The following BBX variants were observed in gnomAD, a reference collection of about 807,000 sequenced individuals.
BBX encodes HMG box transcription factor BBX.
In BBX, 30 loss-of-function variants were observed where a neutral mutation model predicts 100.2. The observed-to-expected ratio is 0.30, with a 90% CI of 0.22 to 0.41. BBX has a LOEUF of 0.41. Among genes scored for constraint, BBX ranks in the 10% least tolerant of loss-of-function variants. The pLI is 1.00. For missense variants in BBX, 1,023 were observed against 1,129.8 expected (o/e 0.91, Z 1.35); for synonymous variants, 376 against 388.1 (o/e 0.97, Z 0.37).
At chr3:107,803,748 G>C (rs561067996) in intron 17 of BBX, among the ~76,000 whole-genome samples, 1 of 152,254 alleles carries the variant, frequency 6.6e-6, no homozygotes, top group Middle Eastern at 3.4e-3. Flanking sequence ...TACTGCCAAA[G>C]GAAAGCTTCA....
chr3:107,717,048 G>A (rs2062156744), intron 5 of BBX, among the ~76,000 whole-genome samples, 199 bp downstream of exon 5: 1 of 152,078 alleles, frequency 6.6e-6, no homozygotes, highest in Non-Finnish European at 1.5e-5. Flanking sequence ...AAATGCTGGT[G>A]GAGGTGCCAA....
chr3:107,675,480 C>T (rs990553158), intron 3 of BBX, among the ~76,000 whole-genome samples: 7 of 152,078 alleles, frequency 4.6e-5, no homozygotes, highest in African/African-American at 1.7e-4. Flanking sequence ...CTCTCAGTCC[C>T]CTTGTCAAAA....
chr3:107,553,436 G>A (rs956059501), intron 2 of BBX, among the ~76,000 whole-genome samples: 15 of 152,102 alleles, frequency 9.9e-5, no homozygotes, highest in Admixed American at 4.6e-4. Context: ...TTACCATATT[G>A]CTACTTTCTC....
At chr3:107,547,399 G>C (rs1260916255) in intron 2 of BBX, among the ~76,000 whole-genome samples, 1 of 152,082 alleles carries the variant, frequency 6.6e-6, no homozygotes, top group Non-Finnish European at 1.5e-5. Flanking sequence ...TGACTTCACA[G>C]TACCTAGTTC....
At chr3:107,592,613 T>C (rs908769489) in intron 2 of BBX, among the ~76,000 whole-genome samples, 3 of 152,168 alleles carry the variant, frequency 2.0e-5, no homozygotes, top group South Asian at 2.1e-4. Context: ...TTTATTGATA[T>C]TGCTGTGTTT....
chr3:107,558,272 A>C (rs1319996048), intron 2 of BBX, among the ~76,000 whole-genome samples: 3 of 152,168 alleles, frequency 2.0e-5, no homozygotes, highest in African/African-American at 7.2e-5. Context: ...GGATCACCTG[A>C]GGTCAGGAGT....
intron 2 of BBX, among the ~76,000 whole-genome samples, chr3:107,540,141 G>C (rs1321868535): frequency 2.0e-5 from 3 of 152,204 alleles, no homozygotes; most frequent in African/African-American, 4.8e-5. Flanking sequence ...AGTTCAGCAC[G>C]AGGGATCTGG....
chr3:107,792,902 C>A (rs2069204848), intron 15 of BBX, among the ~76,000 whole-genome samples: 1 of 151,956 alleles, frequency 6.6e-6, no homozygotes, highest in East Asian at 1.9e-4. Context: ...ACACTGAAAA[C>A]CCTACAGAGG....
At chr3:107,757,163 C>T (rs1434179941) in intron 10 of BBX, among the ~76,000 whole-genome samples, 2 of 151,756 alleles carry the variant, frequency 1.3e-5, no homozygotes, top group African/African-American at 4.8e-5. Flanking sequence ...AAATGTAAAA[C>T]CAGCTTTCAA....
intron 2 of BBX, among the ~76,000 whole-genome samples, chr3:107,544,701 TC>T (rs1430952646): frequency 6.6e-6 from 1 of 151,602 alleles, no homozygotes; most frequent in Non-Finnish European, 1.5e-5. Flanking sequence ...CGAAACCCCA[TC>T]TCTATAAGAA....
At chr3:107,758,219 TTTC>T (rs911207017) in intron 10 of BBX, among the ~76,000 whole-genome samples, 1 of 152,198 alleles carries the variant, frequency 6.6e-6, no homozygotes. Flanking sequence ...ATGCAAAAGA[TTTC>T]TTCTTCTTCT....
intron 2 of BBX, among the ~76,000 whole-genome samples, chr3:107,637,184 T>C (rs2056898747): frequency 6.6e-6 from 1 of 152,198 alleles, no homozygotes; most frequent in Non-Finnish European, 1.5e-5. Context: ...AAGGTATTTA[T>C]AGGAATATTT....
chr3:107,600,627 T>C (rs1332188921), intron 2 of BBX, among the ~76,000 whole-genome samples: 2 of 152,244 alleles, frequency 1.3e-5, no homozygotes, highest in East Asian at 1.9e-4. Flanking sequence ...CTGGCTGTTA[T>C]AACCCAAGCT....
chr3:107,527,873 C>G (rs1008305685), intron 2 of BBX, among the ~76,000 whole-genome samples: 1 of 152,128 alleles, frequency 6.6e-6, no homozygotes, highest in African/African-American at 2.4e-5. Flanking sequence ...AAAATGCATT[C>G]TTGATTACTA....
chr3:107,798,674 T>C lies in BBX; in HGVS notation c.2505T>C (p.Leu835=). 1 of 1,613,954 alleles carries C rather than the reference T, an allele frequency of 6.2e-7. No homozygotes were observed. Among genetic ancestry groups the C allele is most frequent in the Non-Finnish European group, 8.5e-7 (1 of 1,179,964 alleles). The change falls in exon 16 of 18, where the codon CTT becomes CTC. Residue 835 remains leucine, a synonymous_variant. Coordinates refer to ENST00000325805, the MANE Select transcript of BBX (RefSeq NM_001142568.3). ...RKARKTKITH[L]VRTADGRVSP... ...CAAGGAAAACCAAGATTACACACCT[T>C]GTCAGGACAGCAGATGGCCGGGTAT... is the stretch of plus-strand genomic sequence containing the variant.
At chr3:107,770,244 T>C (rs1468271800) in intron 10 of BBX, among the ~76,000 whole-genome samples, 1 of 152,218 alleles carries the variant, frequency 6.6e-6, no homozygotes, top group East Asian at 1.9e-4. Context: ...TTAAGTTTGC[T>C]AAGATGAACC....
intron 15 of BBX, among the ~76,000 whole-genome samples, chr3:107,791,602 A>G (rs1273272548): frequency 6.6e-6 from 1 of 152,152 alleles, no homozygotes; most frequent in Non-Finnish European, 1.5e-5. Flanking sequence ...TTCATGTTGC[A>G]GGCAGATGCT....
intron 2 of BBX, among the ~76,000 whole-genome samples, chr3:107,635,730 T>TG (rs1178596026): frequency 2.0e-5 from 3 of 151,644 alleles, no homozygotes; most frequent in South Asian, 2.1e-4. Context: ...TTTTTTTTTT[T>TG]GGGATGGATT....
chr3:107,609,672 GTT>G (rs1404187751), intron 2 of BBX, among the ~76,000 whole-genome samples: 1 of 151,966 alleles, frequency 6.6e-6, no homozygotes. Flanking sequence ...TTGTTTTGTA[GTT>G]GGTCACAGTT....
Sources: allele counts gnomAD v4.1 joint callset (sites outside exome capture counted in the v4.1 genomes callset), GRCh38; gene constraint gnomAD v4.1.1; transcripts MANE v1.5; gene names NCBI Gene and HGNC (gene_info 2026-07-23, HGNC 2026-07-21).